ELP1: variants seen among roughly 807,000 people sequenced by gnomAD.
The protein encoded by ELP1 is elongator acetyltransferase complex subunit 1.
Under a neutral mutation model 183.2 loss-of-function variants are expected in ELP1, and 131 were observed. The ratio of observed to expected loss-of-function variants is 0.72; its 90% CI spans 0.62 to 0.83. The LOEUF is 0.83. Among genes scored for constraint, ELP1 ranks in the 40% least tolerant of loss-of-function variants. ELP1 has a pLI of 0.00. For missense variants in ELP1, 1,550 were observed against 1,594.9 expected, an observed-to-expected ratio of 0.97 and a Z score of 0.48; for synonymous variants, 555 against 569.0, an observed-to-expected ratio of 0.98 and a Z score of 0.35.
intron 34 of ELP1, among the ~76,000 whole-genome samples, 174 bp from the exon 35 acceptor site, chr9:108,878,323 A>G (rs1236206281): frequency 6.6e-6 from 1 of 152,184 alleles, no homozygotes; most frequent in South Asian, 2.1e-4. Flanking sequence ...GTACTACAAA[A>G]AGAAAATCAA....
intron 25 of ELP1, 70 bp from the exon 26 acceptor site, chr9:108,894,136 C>A: frequency 1.1e-6 from 1 of 923,722 alleles, no homozygotes; most frequent in Non-Finnish European, 1.7e-6. Flanking sequence ...CTAGCATTTA[C>A]ATATAGCAAT....
chr9:108,929,741 T>G, intron 3 of ELP1, 28 bp downstream of exon 3: 1 of 1,612,758 alleles, frequency 6.2e-7, no homozygotes, highest in South Asian at 1.1e-5. Context: ...TGCTTGAGAC[T>G]CCCCCCTCAC....
chr9:108,897,795 A>G (rs1828615472), intron 22 of ELP1, among the ~76,000 whole-genome samples: 1 of 152,238 alleles, frequency 6.6e-6, no homozygotes, highest in South Asian at 2.1e-4. Context: ...CAGCTTTCTG[A>G]AAAGGAGTAA....
intron 35 of ELP1, 126 bp downstream of exon 35, chr9:108,877,869 T>G: frequency 3.1e-6 from 3 of 976,438 alleles, no homozygotes; most frequent in Non-Finnish European, 4.9e-6. Context: ...CACATAAATC[T>G]AAGATAATTT....
chr9:108,892,712 G>A (rs1828389254), intron 27 of ELP1, among the ~76,000 whole-genome samples: 1 of 152,124 alleles, frequency 6.6e-6, no homozygotes, highest in African/African-American at 2.4e-5. Context: ...ATCTGTACTT[G>A]TTAGGATAAT....
intron 8 of ELP1, 115 bp from the exon 9 acceptor site, chr9:108,917,785 G>A: frequency 1.8e-6 from 2 of 1,138,290 alleles, no homozygotes; most frequent in South Asian, 2.5e-5. Context: ...ACGAATTAAT[G>A]AATATCTTTA....
At chr9:108,908,158 A>C in intron 13 of ELP1, 147 bp downstream of exon 13, 1 of 683,968 alleles carries the variant, frequency 1.5e-6, no homozygotes, top group Non-Finnish European at 2.6e-6. Flanking sequence ...TGGCTTCTCC[A>C]ATCAGATCCG....
chr9:108,899,998 C>T, intron 19 of ELP1, 103 bp from the exon 20 acceptor site: 1 of 956,382 alleles, frequency 1.0e-6, no homozygotes, highest in Non-Finnish European at 1.7e-6. Context: ...TACCACAACT[C>T]TCTAAAATCA....
intron 29 of ELP1, among the ~76,000 whole-genome samples, chr9:108,883,316 G>A (rs112329199): frequency 2.0e-5 from 3 of 152,108 alleles, no homozygotes; most frequent in Admixed American, 6.5e-5. Flanking sequence ...GGTGCACACC[G>A]CCATGCCTGG....
Position 108,920,897 on chromosome 9 carries a change from A to G in ELP1, c.553-1548T>C, listed in dbSNP as rs143534861. ...CTGGATCATCCTATACCATTAATAAACCCTAATTTTGTTAATACTAGATAA... is the reference window on the plus strand; with the variant it reads ...CTGGATCATCCTATACCATTAATAAGCCCTAATTTTGTTAATACTAGATAA... On this transcript the variant is annotated intron_variant, in intron 6 of 36. Transcript: ENST00000374647. 9.9e-5 allele frequency among the ~76,000 whole-genome samples: 15 copies of G among 152,028 alleles called. No individual in the cohort carries two copies. The East Asian group carries it at 2.9e-3, about 29-fold the overall frequency.
chr9:108,877,859 C>T (rs1459155202), intron 35 of ELP1, 136 bp downstream of exon 35: 3 of 903,770 alleles, frequency 3.3e-6, no homozygotes, highest in Non-Finnish European at 5.4e-6. Flanking sequence ...TGACAGCTTA[C>T]ACATAAATCT....
chr9:108,868,867 C>A lies in ELP1; in HGVS notation c.*248G>T, dbSNP rs945535327. ...CTCTCAAACAGCCCAAGTGAAAGAA[C>A]AATCATTCTCACAAAATGGTGCCAT... On this transcript the variant is annotated 3_prime_UTR_variant, in exon 37 of 37. Transcript: ENST00000374647. 1.7e-5 allele frequency: 10 copies of A among 602,460 alleles called. No homozygotes were observed. The African/African-American group carries it at 1.9e-4, about 11-fold the overall frequency. 37.3% of individuals were successfully genotyped at this position (602,460 alleles called of 1,614,324 possible).
intron 4 of ELP1, among the ~76,000 whole-genome samples, chr9:108,927,041 C>T (rs1362182028): frequency 1.3e-5 from 2 of 152,192 alleles, no homozygotes; most frequent in African/African-American, 2.4e-5. Context: ...ATACATATTG[C>T]TGACATTTTT....
At chr9:108,930,891 T>A in intron 2 of ELP1, 106 bp downstream of exon 2, 1 of 1,053,900 alleles carries the variant, frequency 9.5e-7, no homozygotes, top group Non-Finnish European at 1.5e-6. Context: ...TTTGGGAGGA[T>A]ATAAATTCAA....
intron 6 of ELP1, among the ~76,000 whole-genome samples, chr9:108,920,639 G>A (rs1270699348): frequency 2.6e-5 from 4 of 151,314 alleles, no homozygotes; most frequent in African/African-American, 9.7e-5. Flanking sequence ...GCAGGGAACA[G>A]GCTGAGGGCT....
chr9:108,929,985 T>C (rs780186712), intron 2 of ELP1, 64 bp from the exon 3 acceptor site: 11 of 1,554,058 alleles, frequency 7.1e-6, no homozygotes, highest in Non-Finnish European at 9.7e-6. Context: ...TGATAACATT[T>C]CCAGAAATAC....
At chr9:108,927,281 T>G (rs1469510904) in intron 4 of ELP1, 91 bp downstream of exon 4, 7 of 1,036,696 alleles carry the variant, frequency 6.8e-6, no homozygotes, top group Non-Finnish European at 1.1e-5. Flanking sequence ...AGAAATTTTT[T>G]GAAATTCAAG....
At chr9:108,888,509 C>G (rs1424649846) in intron 29 of ELP1, among the ~76,000 whole-genome samples, 2 of 152,174 alleles carry the variant, frequency 1.3e-5, no homozygotes, top group African/African-American at 4.8e-5. Context: ...GACATCTTAT[C>G]CATTTAATTA....
intron 10 of ELP1, 115 bp downstream of exon 10, chr9:108,916,089 C>T: frequency 1.2e-6 from 1 of 837,182 alleles, no homozygotes; most frequent in Admixed American, 1.8e-5. Context: ...CTACCCACTT[C>T]AGCATCTTTG....
Sources: allele counts gnomAD v4.1 joint callset (sites outside exome capture counted in the v4.1 genomes callset), GRCh38; gene constraint gnomAD v4.1.1; transcripts MANE v1.5; gene names NCBI Gene and HGNC (gene_info 2026-07-23, HGNC 2026-07-21).